SV2C: variants seen among roughly 807,000 people sequenced by gnomAD.
SV2C encodes solute carrier family 22 member B3.
SV2C carries 49 observed loss-of-function variants against 79.7 expected under a neutral mutation model. The ratio of observed to expected loss-of-function variants is 0.61; its 90% confidence interval spans 0.49 to 0.78. The LOEUF (loss-of-function observed/expected upper bound fraction) is 0.78. SV2C is among the 30% of genes least tolerant of loss of function. The pLI is 0.00. For missense variants in SV2C, 833 were observed against 912.9 expected, an observed-to-expected ratio of 0.91 and a Z score of 1.13; for synonymous variants, 334 against 333.2, an observed-to-expected ratio of 1.00 and a Z score of -0.03.
chr5:76,001,779 C>T, the SV2C span, among the ~76,000 whole-genome samples: 1 of 151,988 alleles, frequency 6.6e-6, no homozygotes, highest in Non-Finnish European at 1.5e-5. Context: ...TGCACCATTC[C>T]CCCAGCCCAG....
chr5:76,058,134 C>G, the SV2C span, among the ~76,000 whole-genome samples: 201 of 152,058 alleles, frequency 1.3e-3, no homozygotes, highest in African/African-American at 4.6e-3. Context: ...TGGATAAATG[C>G]CAGAGGTGCA....
the SV2C span, among the ~76,000 whole-genome samples, chr5:75,946,126 A>G: frequency 4.6e-5 from 7 of 152,090 alleles, no homozygotes; most frequent in African/African-American, 1.7e-4. Flanking sequence ...CTGTGTAGAG[A>G]TGAAAGAATT....
At chr5:76,291,615 G>A in intron 7 of SV2C, 153 bp from the exon 8 acceptor site, 1 of 639,298 alleles carries the variant, frequency 1.6e-6, no homozygotes, top group Non-Finnish European at 2.7e-6. Context: ...GCTGAAGAAT[G>A]AAAATTCCAA....
the SV2C span, among the ~76,000 whole-genome samples, chr5:75,871,188 C>T: frequency 6.6e-6 from 1 of 152,160 alleles, no homozygotes; most frequent in Non-Finnish European, 1.5e-5. Flanking sequence ...TCATATAATT[C>T]AATGCCTATT....
At chr5:75,909,867 C>T in the SV2C span, among the ~76,000 whole-genome samples, 1 of 152,190 alleles carries the variant, frequency 6.6e-6, no homozygotes. Flanking sequence ...AAAAATTATA[C>T]AATCACCACT....
the SV2C span, among the ~76,000 whole-genome samples, chr5:75,902,035 A>C: frequency 6.6e-6 from 1 of 152,112 alleles, no homozygotes; most frequent in South Asian, 2.1e-4. Context: ...GACCCCTTGC[A>C]CTTCCTGAGT....
intron 4 of SV2C, among the ~76,000 whole-genome samples, chr5:76,224,486 A>G (rs1745182148): frequency 1.3e-5 from 2 of 152,208 alleles, no homozygotes; most frequent in Non-Finnish European, 2.9e-5. Flanking sequence ...AAGTCTTAGT[A>G]ACTCACCGCT....
At chr5:76,056,564 C>T in the SV2C span, among the ~76,000 whole-genome samples, 9 of 151,294 alleles carry the variant, frequency 5.9e-5, no homozygotes, top group African/African-American at 2.2e-4. Context: ...AAGAATGGCA[C>T]CATGTTCTCT....
intron 4 of SV2C, among the ~76,000 whole-genome samples, chr5:76,234,209 G>A (rs563825102): frequency 1.5e-4 from 23 of 152,256 alleles, no homozygotes; most frequent in African/African-American, 5.1e-4. Flanking sequence ...CCTATGACAT[G>A]TTCCTAGAAC....
the SV2C span, chr5:75,910,935 G>A: frequency 2.2e-6 from 2 of 911,424 alleles, no homozygotes; most frequent in South Asian, 1.3e-5. Context: ...GGACTATCAA[G>A]CAGCAGCAGG....
chr5:76,120,306 C>G (rs962112834), intron 1 of SV2C, among the ~76,000 whole-genome samples: 7 of 150,032 alleles, frequency 4.7e-5, no homozygotes, highest in African/African-American at 1.7e-4. Context: ...AGCTACGCAT[C>G]AAAGATTTTT....
intron 1 of SV2C, among the ~76,000 whole-genome samples, chr5:76,098,162 T>A (rs1248210980): frequency 1.3e-5 from 2 of 152,146 alleles, no homozygotes; most frequent in Non-Finnish European, 2.9e-5. Context: ...TCTAATACTA[T>A]TTTTTAAATT....
the SV2C span, among the ~76,000 whole-genome samples, chr5:75,884,556 A>G: frequency 1.8e-4 from 27 of 152,248 alleles, no homozygotes; most frequent in Admixed American, 1.2e-3. Context: ...TTATTTTACA[A>G]TGTAAAACTG....
chr5:75,911,726 A>G, the SV2C span: 11,710 of 654,820 alleles, frequency 0.018, 384 homozygotes, highest in African/African-American at 0.1. Flanking sequence ...AAGATGGAAG[A>G]CAAGAAAGAG....
chr5:75,861,572 T>C, the SV2C span, among the ~76,000 whole-genome samples: 1 of 152,152 alleles, frequency 6.6e-6, no homozygotes, highest in Admixed American at 6.5e-5. Context: ...GGAATCAACC[T>C]AGGTGCCCAT....
chr5:75,856,877 A>G, the SV2C span, among the ~76,000 whole-genome samples: 1 of 151,796 alleles, frequency 6.6e-6, no homozygotes, highest in Non-Finnish European at 1.5e-5. Context: ...TCCCAGATCA[A>G]TGTCCTGGAG....
upstream of SV2C, among the ~76,000 whole-genome samples, chr5:76,080,835 A>G (rs1034330402): frequency 7.2e-5 from 11 of 152,176 alleles, no homozygotes; most frequent in Non-Finnish European, 1.3e-4. Context: ...CAGAAGAGAG[A>G]AAACATTTCA....
intron 3 of SV2C, 127 bp downstream of exon 3, chr5:76,195,226 G>T (rs115503674): frequency 1.1e-6 from 1 of 939,844 alleles, no homozygotes; most frequent in East Asian, 2.4e-5. Context: ...GTCAGCCCTG[G>T]AAACCACAAT....
At chr5:76,260,252 T>C (rs1302413243) in intron 4 of SV2C, among the ~76,000 whole-genome samples, 3 of 152,232 alleles carry the variant, frequency 2.0e-5, no homozygotes, top group Non-Finnish European at 4.4e-5. Flanking sequence ...TTTTGAGAAG[T>C]GTCTGTTCAT....
Sources: gnomAD v4.1 joint callset for allele counts (sites outside exome capture counted in the v4.1 genomes callset) on GRCh38, gnomAD v4.1.1 for gene constraint, MANE v1.5 for transcripts, NCBI Gene and HGNC (gene_info 2026-07-23, HGNC 2026-07-21) for gene names.